The following PRKACB variants were observed in gnomAD, a reference collection of about 807,000 sequenced individuals.
The protein encoded by PRKACB is protein kinase cAMP-activated catalytic subunit beta, also known as cAMP-dependent protein kinase catalytic subunit beta.
A neutral mutation model predicts 51.4 loss-of-function variants in PRKACB; 16 were observed. The ratio of observed to expected loss-of-function variants is 0.31; its 90% CI spans 0.21 to 0.47. The LOEUF is 0.47. Ranked by LOEUF, PRKACB falls within the 20% of genes least tolerant of loss-of-function variation. The pLI is 1.00. For synonymous variants in PRKACB, 147 were observed against 154.4 expected (o/e 0.95, Z 0.35); for missense variants, 309 against 464.5 (o/e 0.67, Z 3.08).
chr1:84,084,192 G>A (rs997383941), intron 1 of PRKACB, among the ~76,000 whole-genome samples: 8 of 152,150 alleles, frequency 5.3e-5, no homozygotes, highest in Non-Finnish European at 1.0e-4. Context: ...TGGATTATAG[G>A]AGGAAGGGTG....
At chr1:84,184,757 T>G (rs1475753045) in intron 4 of PRKACB, among the ~76,000 whole-genome samples, 2 of 151,916 alleles carry the variant, frequency 1.3e-5, no homozygotes, top group Non-Finnish European at 2.9e-5. Flanking sequence ...AAAATGTAAA[T>G]ATTCTTATTA....
intron 1 of PRKACB, among the ~76,000 whole-genome samples, chr1:84,129,808 TGAAAA>T (rs1402805180): frequency 1.3e-5 from 2 of 152,160 alleles, no homozygotes; most frequent in African/African-American, 4.8e-5. Context: ...AATCAAAACT[TGAAAA>T]GAGACAAATA....
chr1:84,129,672 A>G (rs1651980460), intron 1 of PRKACB, among the ~76,000 whole-genome samples: 1 of 152,210 alleles, frequency 6.6e-6, no homozygotes, highest in Admixed American at 6.5e-5. Flanking sequence ...ATTAAGATGG[A>G]GTAAGTAAAT....
intron 9 of PRKACB, among the ~76,000 whole-genome samples, chr1:84,221,489 G>T (rs1257687201): frequency 6.6e-6 from 1 of 151,134 alleles, no homozygotes; most frequent in African/African-American, 2.4e-5. Context: ...AATTTTGTTT[G>T]GTTTGTTCTT....
intron 6 of PRKACB, 49 bp downstream of exon 6, chr1:84,196,791 A>C (rs1439875673): frequency 6.6e-7 from 1 of 1,521,002 alleles, no homozygotes; most frequent in Non-Finnish European, 8.9e-7. Context: ...AATACTAGGC[A>C]AGACATTGTA....
rs1294502134 is a variant in PRKACB at position 84,235,476 on chromosome 1, A to G, written c.*171A>G. On this transcript the variant is annotated 3_prime_UTR_variant, in exon 10 of 10. Coordinates refer to ENST00000370685, the MANE Select transcript of PRKACB (RefSeq NM_182948.4). ...GTGCGCACTCTGCATCCACCTATGT[A>G]ACAAGGCACCGCTAAGCAAGCATTG... is the stretch of plus-strand genomic sequence containing the variant. 1.4e-5 allele frequency: 11 copies of G among 765,726 alleles called. No individual in the cohort carries two copies. The highest frequency in any genetic ancestry group is 1.9e-5 in the South Asian group (1 of 53,770). The allele number at this position is 765,726 out of a possible 1,614,324, so 47.4% of individuals were successfully genotyped here. A position where few individuals can be genotyped will look rare whatever the true frequency, so the allele number is the denominator to read the frequency against.
rs777573305 is a variant in PRKACB at position 84,214,334 on chromosome 1, T to G, written c.1071+17T>G. The G allele has an allele frequency of 5.2e-6, 8 of 1,549,648 alleles. No individual in the cohort carries two copies. In the South Asian group the frequency reaches 9.9e-5, roughly 19 times the overall value. Reference sequence around the variant, plus strand: ...CAGAGGAAGGTGAGACTTTCTTTTTTAATTTAAAAGCTTTTTTAAAGTTGG... The same window carrying G: ...CAGAGGAAGGTGAGACTTTCTTTTTGAATTTAAAAGCTTTTTTAAAGTTGG... On this transcript the variant is annotated intron_variant, in intron 9 of 9. Coordinates refer to ENST00000370685, the MANE Select transcript of PRKACB (RefSeq NM_182948.4).
chr1:84,155,396 T>G (rs1655368859), intron 1 of PRKACB, among the ~76,000 whole-genome samples: 1 of 152,202 alleles, frequency 6.6e-6, no homozygotes, highest in African/African-American at 2.4e-5. Flanking sequence ...AGATATCTAA[T>G]GTTTATGGAT....
intron 1 of PRKACB, among the ~76,000 whole-genome samples, chr1:84,089,501 G>A (rs1648286185): frequency 6.6e-6 from 1 of 152,120 alleles, no homozygotes; most frequent in East Asian, 1.9e-4. Context: ...TCATTCAACT[G>A]TGCCACTGTG....
chr1:84,142,553 T>C (rs41300494), upstream of PRKACB, among the ~76,000 whole-genome samples: 317 of 152,322 alleles, frequency 2.1e-3, 1 homozygote, highest in African/African-American at 7.3e-3. Flanking sequence ...AATTTAAGAA[T>C]TTTGTCATAT....
rs545758553 is a variant in PRKACB, at chr1:84,130,983, A to G, written c.47-48194A>G. ...GGGTTTCCAATGTGTATAGGTCGGAAACAACTAATAATATGAAGGAGAAGA... is the reference window on the plus strand; with the variant it reads ...GGGTTTCCAATGTGTATAGGTCGGAGACAACTAATAATATGAAGGAGAAGA... On this transcript the variant is annotated intron_variant, in intron 1 of 8. Transcript: ENST00000370688. 3.3e-5 allele frequency among the ~76,000 whole-genome samples: 5 copies of G among 152,338 alleles called. No individual in the cohort carries two copies. In the East Asian group the frequency reaches 9.6e-4, roughly 29 times the overall value.
chr1:84,214,069 C>G (rs1279519393), intron 8 of PRKACB, 84 bp from the exon 9 acceptor site: 7 of 1,373,524 alleles, frequency 5.1e-6, no homozygotes, highest in Non-Finnish European at 6.7e-6. Flanking sequence ...GGCTTGTTGC[C>G]TTGAAAAAAA....
At chr1:84,111,807 T>G (rs2100846771) in intron 1 of PRKACB, among the ~76,000 whole-genome samples, 1 of 151,930 alleles carries the variant, frequency 6.6e-6, no homozygotes, top group South Asian at 2.1e-4. Flanking sequence ...GTAAAAGACA[T>G]AACAACTAAA....
In PRKACB at chr1:84,199,079, A is replaced by G. The variant is rs567090121; in HGVS notation, c.783+1255A>G. 3.3e-3 allele frequency among the ~76,000 whole-genome samples: 465 copies of G among 142,256 alleles called. 5 individuals are homozygous for G. Among genetic ancestry groups the G allele is most frequent in the African/African-American group, 0.011 (444 of 38,960 alleles). The allele number at this position is 142,256 out of a possible 152,430, so 93.3% of individuals were successfully genotyped here. The stretch of plus-strand genomic sequence containing the variant: ...TATATGCGTATATATGCATATATGT[A>G]TATATATGCGTATATATGCATATAT... On this transcript the variant is annotated intron_variant, in intron 7 of 9. Transcript: ENST00000370685.
chr1:84,205,648 TATTA>T (rs1011844798), intron 8 of PRKACB, among the ~76,000 whole-genome samples: 6 of 152,214 alleles, frequency 3.9e-5, no homozygotes, highest in South Asian at 2.1e-4. Flanking sequence ...AAGTTAAATT[TATTA>T]ATTAAGTGAT....
At chr1:84,179,077 G>T in intron 1 of PRKACB, 100 bp from the exon 2 acceptor site, 1 of 1,298,118 alleles carries the variant, frequency 7.7e-7, no homozygotes, top group Non-Finnish European at 1.1e-6. Flanking sequence ...TAGATGACAT[G>T]TCTTTTTTTA....
At position 84,197,818 on chromosome 1, in the gene PRKACB, C is replaced by T; in HGVS notation, c.777C>T (p.Leu259=). Residue 259 remains leucine, a synonymous_variant, in exon 7 of 10, where the codon CTC becomes CTT. Transcript: ENST00000370685. ...AGTATTTGGCTCCAGAAATAATTCTCAGCAAGGTATATTCATAATATCAAC... is the reference window on the plus strand; with the variant it reads ...AGTATTTGGCTCCAGAAATAATTCTTAGCAAGGTATATTCATAATATCAAC... ...TPEYLAPEII[L]SKGYNKAVDW... The T allele has an allele frequency of 6.3e-7, 1 of 1,596,990 alleles. No individual in the cohort carries two copies. Among genetic ancestry groups the T allele is most frequent in the Non-Finnish European group, 8.6e-7 (1 of 1,165,516 alleles).
At chr1:84,220,191 A>G (rs745606199) in intron 9 of PRKACB, among the ~76,000 whole-genome samples, 2 of 151,856 alleles carry the variant, frequency 1.3e-5, no homozygotes, top group East Asian at 3.9e-4. Context: ...ATTTATTCCT[A>G]GGTATTTTAT....
Position 84,227,739 on chromosome 1 carries a change from A to G in PRKACB, c.1072-7441A>G, listed in dbSNP as rs540895981. Among the ~76,000 whole-genome samples the G allele has an allele frequency of 2.6e-5, 4 of 152,166 alleles. No homozygotes were observed. In the East Asian group the frequency reaches 5.8e-4, roughly 22 times the overall value. On this transcript the variant is annotated intron_variant, in intron 9 of 9. Transcript: ENST00000370685. ...TTGACAGCCAAATCTTGAATTATCA[A>G]TGAAACAGATGTAAGGATCCATGGA...
Sources: gnomAD v4.1 joint callset for allele counts (sites outside exome capture counted in the v4.1 genomes callset) on GRCh38, gnomAD v4.1.1 for gene constraint, MANE v1.5 for transcripts, NCBI Gene and HGNC (gene_info 2026-07-23, HGNC 2026-07-21) for gene names.